Variants in TRAPPC9 observed in about 807,000 individuals in gnomAD.
TRAPPC9 encodes IKK2 binding protein.
In TRAPPC9, 83 loss-of-function variants were observed where a neutral mutation model predicts 124.0. The observed-to-expected ratio is 0.67, with a 90% CI of 0.56 to 0.80. The LOEUF is 0.80. Ranked by LOEUF, TRAPPC9 falls within the 30% of genes least tolerant of loss-of-function variation. The pLI is 0.00. For synonymous variants in TRAPPC9, 638 were observed against 617.5 expected, an observed-to-expected ratio of 1.03 and a Z score of -0.49; for missense variants, 1,302 against 1,508.3, an observed-to-expected ratio of 0.86 and a Z score of 2.27.
At chr8:139,836,488 C>T (rs1461147707) in intron 21 of TRAPPC9, among the ~76,000 whole-genome samples, 4 of 152,248 alleles carry the variant, frequency 2.6e-5, no homozygotes, top group African/African-American at 7.2e-5. Context: ...CATGAGCAAG[C>T]TCAAGGTTCG....
intron 3 of TRAPPC9, among the ~76,000 whole-genome samples, chr8:140,437,766 C>A (rs557597991): frequency 6.6e-6 from 1 of 152,286 alleles, no homozygotes; most frequent in South Asian, 2.1e-4. Context: ...TCAACCTCAA[C>A]GAAAGAACCC....
intron 17 of TRAPPC9, among the ~76,000 whole-genome samples, chr8:140,052,231 ACAACAAC>A (rs547535632): frequency 1.3e-3 from 192 of 151,752 alleles, no homozygotes; most frequent in African/African-American, 3.0e-3. Context: ...AACAACAACA[ACAACAAC>A]AACAACAACA....
At chr8:139,826,058 A>C (rs2130816421) in intron 21 of TRAPPC9, among the ~76,000 whole-genome samples, 1 of 152,272 alleles carries the variant, frequency 6.6e-6, no homozygotes, top group South Asian at 2.1e-4. Context: ...AGGAGCGTGG[A>C]GAGGTCTTCC....
chr8:139,754,472 G>C (rs1001276627), intron 21 of TRAPPC9, among the ~76,000 whole-genome samples: 6 of 152,182 alleles, frequency 3.9e-5, no homozygotes, highest in African/African-American at 1.4e-4. Context: ...TTCCAAGACT[G>C]CCTCCATTCA....
rs181051262 is a variant in TRAPPC9, at chr8:139,857,376, A to G, written c.3055+28503T>C. On this transcript the variant is annotated intron_variant, in intron 21 of 22. Transcript: ENST00000438773. ...AGCAATATTTCCAGTGTGCTCGCTG[A>G]CAATCTGAGTGCGATTCTCCCCACA... 3.8e-3 allele frequency among the ~76,000 whole-genome samples: 581 copies of G among 152,310 alleles called. 5 individuals carry two copies. Among genetic ancestry groups the G allele is most frequent in the African/African-American group, 0.014 (568 of 41,572 alleles).
chr8:139,904,034 T>C (rs1000473300), intron 20 of TRAPPC9, among the ~76,000 whole-genome samples: 4 of 152,060 alleles, frequency 2.6e-5, no homozygotes, highest in Non-Finnish European at 4.4e-5. Context: ...TTTTCATACC[T>C]ATGTGCTAGC....
chr8:140,302,055 T>C (rs987718452), intron 10 of TRAPPC9, among the ~76,000 whole-genome samples: 2 of 152,224 alleles, frequency 1.3e-5, no homozygotes, highest in Non-Finnish European at 2.9e-5. Flanking sequence ...TAATAACAAC[T>C]GCCTTACAGA....
intron 17 of TRAPPC9, among the ~76,000 whole-genome samples, chr8:140,048,922 T>C (rs532226404): frequency 6.6e-6 from 1 of 152,172 alleles, no homozygotes; most frequent in Non-Finnish European, 1.5e-5. Flanking sequence ...GTCATTAATC[T>C]TTATACCCTC....
At chr8:139,927,565 T>C (rs1249294586) in intron 19 of TRAPPC9, among the ~76,000 whole-genome samples, 1 of 152,170 alleles carries the variant, frequency 6.6e-6, no homozygotes, top group Non-Finnish European at 1.5e-5. Flanking sequence ...AGTTTCTTAG[T>C]TATCCACAGA....
At chr8:140,022,523 C>A (rs1839883955) in intron 18 of TRAPPC9, among the ~76,000 whole-genome samples, 1 of 152,022 alleles carries the variant, frequency 6.6e-6, no homozygotes. Flanking sequence ...GACGTGAAAA[C>A]CAGATATCAA....
intron 9 of TRAPPC9, among the ~76,000 whole-genome samples, chr8:140,355,866 TA>T (rs968434213): frequency 3.3e-5 from 5 of 152,248 alleles, no homozygotes; most frequent in African/African-American, 1.2e-4. Flanking sequence ...TGACCTGTTA[TA>T]AAATGTCTAA....
At chr8:140,310,344 G>A (rs890055574) in intron 10 of TRAPPC9, among the ~76,000 whole-genome samples, 1 of 152,140 alleles carries the variant, frequency 6.6e-6, no homozygotes, top group African/African-American at 2.4e-5. Context: ...GCCAAGCCAA[G>A]AGCGTTTTAA....
chr8:140,385,730 C>A (rs1201440835), intron 7 of TRAPPC9, among the ~76,000 whole-genome samples: 3 of 152,144 alleles, frequency 2.0e-5, no homozygotes, highest in Admixed American at 6.5e-5. Flanking sequence ...CCGAATTCTA[C>A]CAGAGGTATA....
At chr8:140,268,324 A>T (rs936960693) in intron 15 of TRAPPC9, among the ~76,000 whole-genome samples, 1 of 146,898 alleles carries the variant, frequency 6.8e-6, no homozygotes, top group Non-Finnish European at 1.5e-5. Context: ...TCCTCTGAGC[A>T]GGTCCTCTGT....
At chr8:139,857,203 C>T (rs529380561) in intron 21 of TRAPPC9, among the ~76,000 whole-genome samples, 51 of 152,254 alleles carry the variant, frequency 3.3e-4, no homozygotes, top group East Asian at 1.4e-3. Flanking sequence ...AGCGGTGGAG[C>T]GCCAGGAGGT....
At chr8:140,108,435 T>G (rs2060706008) in intron 17 of TRAPPC9, among the ~76,000 whole-genome samples, 2 of 152,198 alleles carry the variant, frequency 1.3e-5, no homozygotes, top group South Asian at 4.1e-4. Flanking sequence ...ATTCCCAGCA[T>G]AGTCCCTGAC....
intron 17 of TRAPPC9, among the ~76,000 whole-genome samples, chr8:140,201,557 A>G (rs1250694418): frequency 1.3e-5 from 2 of 152,212 alleles, no homozygotes; most frequent in East Asian, 3.8e-4. Flanking sequence ...CCTACTGTGT[A>G]TACTGTTACA....
At chr8:140,219,504 A>C (rs1462910953) in intron 17 of TRAPPC9, among the ~76,000 whole-genome samples, 1 of 152,182 alleles carries the variant, frequency 6.6e-6, no homozygotes, top group African/African-American at 2.4e-5. Context: ...TCATCAAAGA[A>C]TGCAGTTTCC....
intron 17 of TRAPPC9, among the ~76,000 whole-genome samples, chr8:140,119,094 C>T (rs116974672): frequency 0.017 from 2,622 of 152,356 alleles, 34 homozygotes; most frequent in South Asian, 0.062. Flanking sequence ...GTAGGCACAA[C>T]AGTGTCACAG....
Sources: gnomAD v4.1 joint callset for allele counts (sites outside exome capture counted in the v4.1 genomes callset) on GRCh38, gnomAD v4.1.1 for gene constraint, MANE v1.5 for transcripts, NCBI Gene and HGNC (gene_info 2026-07-23, HGNC 2026-07-21) for gene names.